Variants in SLC38A12 observed in about 807,000 individuals in gnomAD.
SLC38A12 encodes solute carrier family 38 member 12.
the SLC38A12 span, chr17:74,836,036 C>CGTCT: frequency 6.2e-7 from 1 of 1,612,788 alleles, no homozygotes; most frequent in South Asian, 1.1e-5. This position sits in a 1 kb window ranked among gnomAD's most constrained non-coding sequence, Gnocchi z 4.2. Flanking sequence ...TTGGGGTGTG[C>CGTCT]GTCTACTCCT....
chr17:74,777,667 C>G, the SLC38A12 span: 1 of 1,326,908 alleles, frequency 7.5e-7, no homozygotes, highest in Non-Finnish European at 9.9e-7. Flanking sequence ...CGCCTGTAAT[C>G]CCAGCACTTT....
At chr17:74,832,563 C>T in the SLC38A12 span, among the ~76,000 whole-genome samples, 1 of 152,238 alleles carries the variant, frequency 6.6e-6, no homozygotes, top group African/African-American at 2.4e-5. Context: ...GGTGTGTGAG[C>T]GCCCTGAGTG....
At chr17:74,817,308 G>T in the SLC38A12 span, among the ~76,000 whole-genome samples, 4 of 152,082 alleles carry the variant, frequency 2.6e-5, no homozygotes, top group African/African-American at 9.7e-5. Context: ...AAGCGTTATG[G>T]TCGGTCTGTA....
At chr17:74,795,520 T>C in the SLC38A12 span, 13 of 1,613,530 alleles carry the variant, frequency 8.1e-6, no homozygotes, top group Admixed American at 2.0e-4. Flanking sequence ...ATTCTCTTTA[T>C]CAGCAGCGCC....
At chr17:74,838,892 C>T in the SLC38A12 span, 1 of 1,535,418 alleles carries the variant, frequency 6.5e-7, no homozygotes, top group Non-Finnish European at 8.7e-7. Flanking sequence ...TGCAGATGGG[C>T]CCCCGGGGTC....
chr17:74,785,630 A>G, the SLC38A12 span: 1 of 1,607,712 alleles, frequency 6.2e-7, no homozygotes, highest in South Asian at 1.1e-5. Flanking sequence ...ACTTCCCCAC[A>G]GGGGCCAGGA....
At chr17:74,811,337 C>CA in the SLC38A12 span, among the ~76,000 whole-genome samples, 518 of 143,826 alleles carry the variant, frequency 3.6e-3, 3 homozygotes, top group African/African-American at 0.012. Context: ...CTGAAGAAAC[C>CA]AAAAAAAAAC....
chr17:74,835,072 G>A, the SLC38A12 span, among the ~76,000 whole-genome samples: 1 of 152,198 alleles, frequency 6.6e-6, no homozygotes, highest in Non-Finnish European at 1.5e-5. Context: ...ACCGTAAAGG[G>A]CTGCGAACTG....
chr17:74,776,935 C>T, the SLC38A12 span, among the ~76,000 whole-genome samples: 2 of 152,156 alleles, frequency 1.3e-5, no homozygotes, highest in Non-Finnish European at 2.9e-5. Context: ...ACGAGGATAA[C>T]CACCCCAGAG....
At chr17:74,802,941 A>ACCC in the SLC38A12 span, among the ~76,000 whole-genome samples, 5 of 151,636 alleles carry the variant, frequency 3.3e-5, no homozygotes, top group African/African-American at 7.3e-5. Context: ...CCCTCACCCC[A>ACCC]CCCCCATTCA....
At chr17:74,838,064 G>A in the SLC38A12 span, 2 of 985,914 alleles carry the variant, frequency 2.0e-6, no homozygotes, top group Non-Finnish European at 2.4e-6. Context: ...GGGGCCCAAG[G>A]TGGTCTCAGG....
At chr17:74,795,446 C>A in the SLC38A12 span, 1 of 1,288,762 alleles carries the variant, frequency 7.8e-7, no homozygotes, top group Non-Finnish European at 1.1e-6. Context: ...GGCAGCTGTG[C>A]AGGGAGTGGC....
At chr17:74,821,544 G>T in the SLC38A12 span, among the ~76,000 whole-genome samples, 1 of 152,204 alleles carries the variant, frequency 6.6e-6, no homozygotes, top group Admixed American at 6.5e-5. Context: ...TGCCAGGAGG[G>T]ATTGTGTCCA....
chr17:74,806,373 G>A, the SLC38A12 span, among the ~76,000 whole-genome samples: 4 of 152,154 alleles, frequency 2.6e-5, no homozygotes, highest in Admixed American at 6.5e-5. Context: ...AGGCACAGCC[G>A]TCGGGGAGAA....
the SLC38A12 span, chr17:74,839,240 A>G: frequency 7.1e-7 from 1 of 1,402,518 alleles, no homozygotes; most frequent in Non-Finnish European, 9.4e-7. Flanking sequence ...CAGTGGCACC[A>G]TGACGGGCCC....
chr17:74,787,419 G>A, the SLC38A12 span, among the ~76,000 whole-genome samples: 3 of 150,716 alleles, frequency 2.0e-5, no homozygotes, highest in Non-Finnish European at 4.4e-5. Flanking sequence ...TCAGGAGATC[G>A]AGACCATCCT....
At chr17:74,824,534 G>T in the SLC38A12 span, among the ~76,000 whole-genome samples, 1 of 152,174 alleles carries the variant, frequency 6.6e-6, no homozygotes, top group African/African-American at 2.4e-5. Flanking sequence ...ACCGACAGAT[G>T]CCTGCAGGCG....
the SLC38A12 span, among the ~76,000 whole-genome samples, chr17:74,783,499 G>A: frequency 6.6e-6 from 1 of 152,108 alleles, no homozygotes; most frequent in Non-Finnish European, 1.5e-5. Flanking sequence ...TGGAGGGGCT[G>A]GGGAGGTGGC....
At chr17:74,838,341 A>G in the SLC38A12 span, 1 of 990,814 alleles carries the variant, frequency 1.0e-6, no homozygotes, top group African/African-American at 1.7e-5. Flanking sequence ...TGCAGTGGTC[A>G]GGCCAAGAGC....
Sources: gnomAD v4.1 joint callset for allele counts (sites outside exome capture counted in the v4.1 genomes callset) on GRCh38, gnomAD v4.1.1 for gene constraint, Gnocchi (gnomAD v3.1) non-coding constraint, MANE v1.5 for transcripts, NCBI Gene and HGNC (gene_info 2026-07-23, HGNC 2026-07-21) for gene names.